The following PELI2 variants were observed in gnomAD, a reference collection of about 807,000 sequenced individuals.
PELI2 encodes pellino E3 ubiquitin protein ligase family member 2.
Under a neutral mutation model 42.3 loss-of-function variants are expected in PELI2, and 23 were observed. That is an observed-to-expected ratio of 0.54 (90% CI 0.39 to 0.77). The LOEUF (loss-of-function observed/expected upper bound fraction) is 0.77, where lower values mean the gene tolerates loss of function less well. Ranked by LOEUF, PELI2 falls within the 30% of genes least tolerant of loss-of-function variation. PELI2 has a pLI of 0.00. For synonymous variants in PELI2, 245 were observed against 212.2 expected (o/e 1.15, Z -1.34); for missense variants, 463 against 553.2 (o/e 0.84, Z 1.64).
At chr14:56,183,042 A>G (rs1594617684) in intron 2 of PELI2, among the ~76,000 whole-genome samples, 1 of 152,122 alleles carries the variant, frequency 6.6e-6, no homozygotes, top group South Asian at 2.1e-4. Flanking sequence ...TGAGTTTTAA[A>G]TAGGTCTTTC....
chr14:56,165,907 A>G (rs1884943120), intron 1 of PELI2, among the ~76,000 whole-genome samples: 1 of 152,114 alleles, frequency 6.6e-6, no homozygotes, highest in Non-Finnish European at 1.5e-5. Flanking sequence ...GTGTCTTTAT[A>G]GATGAAGCTT....
chr14:56,223,821 C>T (rs976975253), intron 2 of PELI2, among the ~76,000 whole-genome samples: 1 of 152,170 alleles, frequency 6.6e-6, no homozygotes, highest in Non-Finnish European at 1.5e-5. Flanking sequence ...ATCATTCACT[C>T]TAATTTCATA....
intron 1 of PELI2, among the ~76,000 whole-genome samples, chr14:56,136,652 G>GT (rs1205398313): frequency 6.6e-6 from 1 of 152,194 alleles, no homozygotes; most frequent in African/African-American, 2.4e-5. Flanking sequence ...GTGTAACTTA[G>GT]TGAGTGTCAG....
intron 2 of PELI2, among the ~76,000 whole-genome samples, chr14:56,233,811 A>G (rs1887679935): frequency 6.6e-6 from 1 of 152,248 alleles, no homozygotes; most frequent in Non-Finnish European, 1.5e-5. Flanking sequence ...CATCAGAGTG[A>G]ACAGGCAACC....
chr14:56,139,242 G>GGAGGGA (rs1466770117), intron 1 of PELI2, among the ~76,000 whole-genome samples: 1 of 152,212 alleles, frequency 6.6e-6, no homozygotes, highest in Non-Finnish European at 1.5e-5. Context: ...AGGTGGAGGA[G>GGAGGGA]GAGGGAGAGG....
rs60062048 is a variant in PELI2, at chr14:56,240,104, G to A, written c.208-39572G>A. Among the ~76,000 whole-genome samples the A allele has an allele frequency of 8.3e-3, 1,264 of 152,224 alleles. 20 individuals are homozygous for A. Among genetic ancestry groups the A allele is most frequent in the African/African-American group, 0.029 (1,210 of 41,514 alleles). ...AGATCATGAAGGCCTGATAAGCTGT[G>A]TTGAGTTTGAAATGTTGTTTCAAGG... On this transcript the variant is annotated intron_variant, in intron 2 of 5. Transcript: ENST00000267460.
At chr14:56,148,251 CT>C (rs1381533872) in intron 1 of PELI2, among the ~76,000 whole-genome samples, 1 of 152,156 alleles carries the variant, frequency 6.6e-6, no homozygotes, top group Non-Finnish European at 1.5e-5. Context: ...CTCCTTATTC[CT>C]TTTCATCTTT....
At chr14:56,136,670 A>T (rs765846910) in intron 1 of PELI2, among the ~76,000 whole-genome samples, 1 of 152,142 alleles carries the variant, frequency 6.6e-6, no homozygotes, top group Non-Finnish European at 1.5e-5. Context: ...CAGGGGTTTT[A>T]ATTGATGCAT....
intron 2 of PELI2, among the ~76,000 whole-genome samples, chr14:56,190,534 C>A (rs142332573): frequency 9.4e-4 from 143 of 152,176 alleles, no homozygotes; most frequent in East Asian, 6.8e-3. Flanking sequence ...CAGTTACTCT[C>A]CCACCCCCAA....
At chr14:56,167,338 T>C (rs902848670) in intron 1 of PELI2, among the ~76,000 whole-genome samples, 1 of 152,224 alleles carries the variant, frequency 6.6e-6, no homozygotes, top group Non-Finnish European at 1.5e-5. Context: ...TTCCAAGATC[T>C]TGTAGGCATG....
intron 2 of PELI2, among the ~76,000 whole-genome samples, chr14:56,222,697 C>T (rs1053316776): frequency 2.0e-5 from 3 of 152,214 alleles, no homozygotes; most frequent in Non-Finnish European, 4.4e-5. Flanking sequence ...AAAGGATGCC[C>T]TCTCTGGGCA....
chr14:56,203,021 A>C (rs1886389142), intron 2 of PELI2, among the ~76,000 whole-genome samples: 1 of 152,184 alleles, frequency 6.6e-6, no homozygotes, highest in African/African-American at 2.4e-5. Flanking sequence ...GTTAAAGTAC[A>C]TTTTTAAAAC....
rs762980415 is a variant in PELI2, at chr14:56,180,080, C to T, written c.207+1616C>T. On this transcript the variant is annotated intron_variant, in intron 2 of 5. Transcript: ENST00000267460. The surrounding 1 kb of genome is among the most constrained non-coding windows in gnomAD (Gnocchi z 4.4). ...GTTTTACTTTTATACCTAGATTTTA[C>T]TTCCAAGTTATTTAGATTATTAATC... is the stretch of plus-strand genomic sequence containing the variant. 6.6e-6 allele frequency among the ~76,000 whole-genome samples: 1 copy of T among 152,114 alleles called. No homozygotes were observed. Among genetic ancestry groups the T allele is most frequent in the African/African-American group, 2.4e-5 (1 of 41,418 alleles).
At chr14:56,187,494 A>C (rs77682274) in intron 2 of PELI2, among the ~76,000 whole-genome samples, 8,066 of 152,278 alleles carry the variant, frequency 0.053, 314 homozygotes, top group Middle Eastern at 0.12. Context: ...TGTAGTAGAG[A>C]ATATATCAGG....
intron 2 of PELI2, among the ~76,000 whole-genome samples, chr14:56,222,990 C>T (rs189146020): frequency 2.1e-4 from 32 of 152,248 alleles, no homozygotes; most frequent in African/African-American, 7.0e-4. Flanking sequence ...GGTGAACAAT[C>T]GAGGACATTA....
At chr14:56,233,865 G>T (rs888909179) in intron 2 of PELI2, among the ~76,000 whole-genome samples, 2 of 152,128 alleles carry the variant, frequency 1.3e-5, no homozygotes, top group African/African-American at 4.8e-5. Flanking sequence ...ATCTGACAAA[G>T]GGCTAATATC....
chr14:56,179,982 G>A (rs765135356), intron 2 of PELI2, among the ~76,000 whole-genome samples: 1 of 152,116 alleles, frequency 6.6e-6, no homozygotes, highest in Non-Finnish European at 1.5e-5. Context: ...ATGAAAATTT[G>A]CAACTGTTGA....
chr14:56,186,763 A>G (rs959570408), intron 2 of PELI2, among the ~76,000 whole-genome samples: 9 of 152,224 alleles, frequency 5.9e-5, no homozygotes, highest in African/African-American at 2.2e-4. Flanking sequence ...TACAGTAATT[A>G]CAATTTTGAC....
chr14:56,211,221 T>C (rs1886702897), intron 2 of PELI2, among the ~76,000 whole-genome samples: 1 of 152,106 alleles, frequency 6.6e-6, no homozygotes, highest in Non-Finnish European at 1.5e-5. Context: ...CTGAAGCAAC[T>C]TTAGCCAGTT....
Sources: gnomAD v4.1 joint callset for allele counts (sites outside exome capture counted in the v4.1 genomes callset) on GRCh38, gnomAD v4.1.1 for gene constraint, Gnocchi (gnomAD v3.1) non-coding constraint, MANE v1.5 for transcripts, NCBI Gene and HGNC (gene_info 2026-07-23, HGNC 2026-07-21) for gene names.